TBCD: variants seen among roughly 807,000 people sequenced by gnomAD.
The protein encoded by TBCD is tubulin folding cofactor D.
TBCD carries 105 observed loss-of-function variants against 169.3 expected under a neutral mutation model. That is an observed-to-expected ratio of 0.62 (90% confidence interval 0.53 to 0.73). The LOEUF (loss-of-function observed/expected upper bound fraction) is 0.73, where lower values mean the gene tolerates loss of function less well. TBCD is among the 30% of genes least tolerant of loss of function. The pLI is 0.00. For missense variants in TBCD, 1,444 were observed against 1,600.1 expected, an observed-to-expected ratio of 0.90 and a Z score of 1.66; for synonymous variants, 700 against 643.9, an observed-to-expected ratio of 1.09 and a Z score of -1.32.
chr17:82,806,298 A>G lies in TBCD; in HGVS notation c.1087+287A>G, dbSNP rs926409495. Among the ~76,000 whole-genome samples, 22 of 152,100 alleles carry G rather than the reference A, an allele frequency of 1.4e-4. No homozygotes were observed. The highest frequency in any genetic ancestry group is 3.2e-3 in the Middle Eastern group (1 of 316). On this transcript the variant is annotated intron_variant, in intron 10 of 38. Coordinates refer to ENST00000355528, the MANE Select transcript of TBCD (RefSeq NM_005993.5). This position sits in a 1 kb window ranked among gnomAD's most constrained non-coding sequence, Gnocchi z 5.1. ...GGGCAGCTGGGTGTGTCCTCAGGAA[A>G]CAGTTCTCCCAGGAAATTGAGTTGG...
chr17:82,787,346 C>A (rs143086196), intron 7 of TBCD, among the ~76,000 whole-genome samples: 1 of 152,238 alleles, frequency 6.6e-6, no homozygotes, highest in Non-Finnish European at 1.5e-5. Context: ...CGTGAAGCAA[C>A]GCCTGGCGGG....
At chr17:82,871,669 G>A (rs567388817) in intron 14 of TBCD, among the ~76,000 whole-genome samples, 19 of 152,340 alleles carry the variant, frequency 1.2e-4, no homozygotes, top group African/African-American at 4.1e-4. Context: ...GGGGCGGGGC[G>A]CCGGTGGCAG....
chr17:82,830,116 C>CTGTGAACACACG, intron 13 of TBCD: 1 of 1,612,794 alleles, frequency 6.2e-7, no homozygotes. Flanking sequence ...GGCCGTAGCT[C>CTGTGAACACACG]TGTGAACACA....
chr17:82,764,858 C>T (rs1468591394), intron 3 of TBCD, among the ~76,000 whole-genome samples: 14 of 252 alleles, frequency 0.056, no homozygotes, highest in African/African-American at 0.3. Flanking sequence ...GGTGTCTGTG[C>T]TCATAGTCTG....
intron 30 of TBCD, 63 bp downstream of exon 30, chr17:82,928,051 C>A: frequency 1.4e-6 from 2 of 1,481,000 alleles, no homozygotes; most frequent in Non-Finnish European, 1.9e-6. Context: ...GGGAGGCTGG[C>A]GGGGCGGGCG....
intron 11 of TBCD, among the ~76,000 whole-genome samples, 195 bp downstream of exon 11, chr17:82,807,863 C>G (rs2051092973): frequency 6.6e-6 from 1 of 152,258 alleles, no homozygotes; most frequent in South Asian, 2.1e-4. Flanking sequence ...CTCCGTCCTC[C>G]TGCCTCTGGC....
intron 7 of TBCD, chr17:82,796,027 A>T (rs2050080264): frequency 6.6e-6 from 1 of 152,228 alleles, no homozygotes; most frequent in Admixed American, 6.5e-5. Flanking sequence ...CCGTCTGGCA[A>T]ACTCTGTTCC....
chr17:82,759,945 G>T (rs1177049687), intron 2 of TBCD, among the ~76,000 whole-genome samples: 1 of 147,636 alleles, frequency 6.8e-6, no homozygotes, highest in Non-Finnish European at 1.5e-5. Flanking sequence ...GGAGTGCAGT[G>T]GCGTGTTCTT....
chr17:82,845,126 A>G (rs1321230317), intron 13 of TBCD, among the ~76,000 whole-genome samples: 1 of 152,082 alleles, frequency 6.6e-6, no homozygotes, highest in African/African-American at 2.4e-5. Context: ...CCTCTGTGTC[A>G]GGGCCTCTTT....
At position 82,930,795 on chromosome 17, in the gene TBCD, G is replaced by T. The variant is rs1421553489; in HGVS notation, c.3113+152G>T. ...TACCAGTTGGTGGCTCAGCGAGGAAGATGTGCCTGCAGCATATGGTTCTCC... is the reference window on the plus strand; with the variant it reads ...TACCAGTTGGTGGCTCAGCGAGGAATATGTGCCTGCAGCATATGGTTCTCC... On this transcript the variant is annotated intron_variant, in intron 33 of 38. Coordinates refer to ENST00000355528, the MANE Select transcript of TBCD (RefSeq NM_005993.5). The surrounding 1 kb of genome is among the most constrained non-coding windows in gnomAD (Gnocchi z 5.2). Among the ~76,000 whole-genome samples the T allele has an allele frequency of 6.6e-6, 1 of 152,230 alleles. No individual in the cohort carries two copies. The highest frequency in any genetic ancestry group is 1.5e-5 in the Non-Finnish European group (1 of 68,024).
At chr17:82,790,793 C>A (rs1015807893) in intron 7 of TBCD, among the ~76,000 whole-genome samples, 1 of 152,174 alleles carries the variant, frequency 6.6e-6, no homozygotes, top group South Asian at 2.1e-4. Context: ...CATCCACTGG[C>A]CTCCTGGTTG....
intron 13 of TBCD, chr17:82,830,609 G>A (rs375681559): frequency 1.7e-5 from 28 of 1,613,962 alleles, no homozygotes; most frequent in Middle Eastern, 1.6e-4. Flanking sequence ...GGTCGACCGG[G>A]GAAGGCAGGC....
intron 34 of TBCD, 48 bp from the exon 35 acceptor site, chr17:82,937,223 G>C (rs747761355): frequency 6.4e-7 from 1 of 1,567,646 alleles, no homozygotes; most frequent in Non-Finnish European, 8.8e-7. Context: ...TGTGCATCCC[G>C]GGGCTGCCTG....
intron 3 of TBCD, 118 bp downstream of exon 3, chr17:82,764,180 TTTAA>T: frequency 1.3e-6 from 1 of 791,900 alleles, no homozygotes; most frequent in East Asian, 2.7e-5. Context: ...AAGTTGTGGG[TTTAA>T]TTCTGTCCCT....
chr17:82,940,217 G>GCACACACACACACACACACACACACACA (rs576338657), intron 37 of TBCD, among the ~76,000 whole-genome samples: 1 of 101,382 alleles, frequency 9.9e-6, no homozygotes, highest in Non-Finnish European at 2.2e-5. Context: ...TCACTTGCAC[G>GCACACACACACACACACACACACACACA]CGCGCACACA....
rs756662476 is a variant in TBCD, at chr17:82,929,275, C to G, written c.2852+4C>G. The G allele has an allele frequency of 1.9e-6, 3 of 1,613,464 alleles. No homozygotes were observed. The highest frequency in any genetic ancestry group is 1.7e-5 in the Admixed American group (1 of 60,000). Reference sequence around the variant, plus strand: ...AACTGGAAAAGCTGTTTCCCAGGTACTGTCGGGGTGTAGGCCCCCCGTGCT... The same window carrying G: ...AACTGGAAAAGCTGTTTCCCAGGTAGTGTCGGGGTGTAGGCCCCCCGTGCT... On this transcript the variant is annotated splice_donor_region_variant and intron_variant, in intron 31 of 38. Transcript: ENST00000355528.
chr17:82,780,248 G>C (rs1027009201), intron 6 of TBCD, among the ~76,000 whole-genome samples: 4 of 152,172 alleles, frequency 2.6e-5, no homozygotes, highest in Non-Finnish European at 4.4e-5. Context: ...GTTGAGCTCC[G>C]TGGCTTCCGT....
At chr17:82,781,949 T>A (rs879521252) in intron 7 of TBCD, among the ~76,000 whole-genome samples, 1 of 152,210 alleles carries the variant, frequency 6.6e-6, no homozygotes, top group Non-Finnish European at 1.5e-5. Context: ...GAGCCCCACC[T>A]GTTGCCAGCA....
chr17:82,936,971 G>A (rs2062684525), intron 34 of TBCD, among the ~76,000 whole-genome samples: 1 of 152,218 alleles, frequency 6.6e-6, no homozygotes, highest in African/African-American at 2.4e-5. Flanking sequence ...GCTGTGTTGG[G>A]GACAGACCCT....
Sources: allele counts gnomAD v4.1 joint callset (sites outside exome capture counted in the v4.1 genomes callset), GRCh38; gene constraint gnomAD v4.1.1; non-coding constraint Gnocchi (gnomAD v3.1); transcripts MANE v1.5; gene names NCBI Gene and HGNC (gene_info 2026-07-23, HGNC 2026-07-21).